The following TENM4 variants were observed in gnomAD, a reference collection of about 807,000 sequenced individuals.
The protein encoded by TENM4 is teneurin transmembrane protein 4.
A neutral mutation model predicts 243.3 loss-of-function variants in TENM4; 82 were observed. The observed-to-expected ratio is 0.34, with a 90% CI of 0.28 to 0.40. The LOEUF (loss-of-function observed/expected upper bound fraction) is 0.40, where lower values mean the gene tolerates loss of function less well. TENM4 is among the 10% of genes least tolerant of loss of function. The probability of loss-of-function intolerance (pLI) is 1.00; values close to 1 mark genes in which losing one functional copy is unlikely to be tolerated. For synonymous variants in TENM4, 1,412 were observed against 1,456.3 expected, an observed-to-expected ratio of 0.97 and a Z score of 0.69; for missense variants, 3,138 against 3,673.3, an observed-to-expected ratio of 0.85 and a Z score of 3.77.
intron 19 of TENM4, among the ~76,000 whole-genome samples, chr11:78,749,727 C>T (rs925234190): frequency 6.6e-6 from 1 of 152,096 alleles, no homozygotes; most frequent in Non-Finnish European, 1.5e-5. Context: ...AAGCTTTGTG[C>T]CTTTCTATAG....
chr11:78,724,041 C>A (rs1468426978), intron 23 of TENM4, among the ~76,000 whole-genome samples: 2 of 150,098 alleles, frequency 1.3e-5, no homozygotes, highest in African/African-American at 4.9e-5. Context: ...CCCTTCCTTT[C>A]TCCTCTCCTC....
intron 1 of TENM4, among the ~76,000 whole-genome samples, chr11:79,321,530 T>A (rs1856888461): frequency 6.6e-6 from 1 of 151,472 alleles, no homozygotes; most frequent in Non-Finnish European, 1.5e-5. Context: ...ACTACCCAAT[T>A]CTTTCTGGGA....
intron 9 of TENM4, among the ~76,000 whole-genome samples, chr11:78,868,154 A>G (rs1279709635): frequency 6.6e-6 from 1 of 152,024 alleles, no homozygotes; most frequent in Non-Finnish European, 1.5e-5. Flanking sequence ...CTGAAACAAT[A>G]TAAATTATAA....
rs1195758943 is a variant in TENM4 at position 79,289,955 on chromosome 11, TTTTC to T, written c.-265+7529_-265+7532del. 6.1e-5 allele frequency among the ~76,000 whole-genome samples: 9 copies of T among 146,526 alleles called. No individual in the cohort carries two copies. The South Asian group carries it at 2.0e-3, about 32-fold the overall frequency. On this transcript the variant is annotated intron_variant, in intron 2 of 33. Coordinates refer to ENST00000278550, the MANE Select transcript of TENM4 (RefSeq NM_001098816.3). Reference sequence around the variant, plus strand: ...GTAAGTTTCTACCTTTTTTCTTTCTTTTTCTTTTTCTTTTTTTTTAAGTAGAGAT... The same window carrying T: ...GTAAGTTTCTACCTTTTTTCTTTCTTTTTTTCTTTTTTTTTAAGTAGAGAT...
In TENM4 at chr11:78,889,987, C is replaced by T. The variant is rs757948808; in HGVS notation, c.882G>A (p.Pro294=). 1.8e-5 allele frequency: 28 copies of T among 1,547,216 alleles called. 1 individual carries two copies. The Middle Eastern group carries it at 6.7e-4, about 37-fold the overall frequency. ...ACCCTGGTGATGTGGTGCAGAAGAG[C>T]GGGGAGGTGCCTCCAGGCTTGAAGA... ...HFLFKPGGTS[P]LFCTTSPGYP... The change falls in exon 9 of 34, where the codon CCG becomes CCA. Residue 294 remains proline (P), a synonymous_variant. Coordinates refer to ENST00000278550, the MANE Select transcript of TENM4 (RefSeq NM_001098816.3).
intron 12 of TENM4, among the ~76,000 whole-genome samples, chr11:78,834,462 C>G (rs993635405): frequency 6.6e-6 from 1 of 152,192 alleles, no homozygotes; most frequent in African/African-American, 2.4e-5. Context: ...CCAAAAAGCT[C>G]TGTGTCAACT....
At position 78,672,104 on chromosome 11, in the gene TENM4, C is replaced by T. The variant is rs189247153; in HGVS notation, c.5722G>A (p.Asp1908Asn). Residue 1908 changes from aspartate (D) to asparagine (N), a missense_variant, in exon 31 of 34, where the codon GAC becomes AAC. Asp to Asn is a conservative substitution (Grantham distance 23). This residue lies in a region of TENM4 where 2,467 missense variants were observed against 3,059.1 expected (regional missense o/e 0.81). Transcript: ENST00000278550. ...RGIMSERMEY[D>N]QAGRITSRIF... ...CTGGATGTGATGCGGCCCGCCTGGT[C>T]GTATTCCATTCTTTCAGACATGATG... The T allele has an allele frequency of 4.6e-5, 74 of 1,614,000 alleles. 1 individual carries two copies. In the African/African-American group the frequency reaches 6.1e-4, roughly 13 times the overall value.
intron 6 of TENM4, among the ~76,000 whole-genome samples, chr11:78,997,056 G>A (rs1343894820): frequency 6.6e-6 from 1 of 152,004 alleles, no homozygotes; most frequent in Non-Finnish European, 1.5e-5. Flanking sequence ...GGCGGGGGTA[G>A]GGTGGGTGTA....
chr11:78,996,911 G>A (rs577408196), intron 6 of TENM4, among the ~76,000 whole-genome samples: 1 of 152,160 alleles, frequency 6.6e-6, no homozygotes, highest in Non-Finnish European at 1.5e-5. Flanking sequence ...TAGTCAGAGA[G>A]AATATTAACA....
chr11:79,371,989 C>T (rs1043301058), intron 1 of TENM4, among the ~76,000 whole-genome samples: 1 of 152,084 alleles, frequency 6.6e-6, no homozygotes, highest in African/African-American at 2.4e-5. Flanking sequence ...CCCAAGGTGT[C>T]AGGGATAGAA....
chr11:79,247,486 G>T (rs953657504), intron 2 of TENM4, among the ~76,000 whole-genome samples: 1 of 151,718 alleles, frequency 6.6e-6, no homozygotes, highest in African/African-American at 2.4e-5. Context: ...ATGACCTGGA[G>T]GCGGGGCCTT....
chr11:78,876,059 T>C (rs905179099), intron 9 of TENM4, among the ~76,000 whole-genome samples: 7 of 152,302 alleles, frequency 4.6e-5, no homozygotes, highest in Admixed American at 1.3e-4. Flanking sequence ...GTTGGAAAAC[T>C]GGATTTCTAG....
chr11:79,286,841 G>T (rs1308704065), intron 2 of TENM4, among the ~76,000 whole-genome samples: 1 of 152,128 alleles, frequency 6.6e-6, no homozygotes, highest in Non-Finnish European at 1.5e-5. Context: ...GGAAATAGAT[G>T]AATTAAGATT....
At chr11:79,400,099 C>CA (rs1288184782) in intron 1 of TENM4, among the ~76,000 whole-genome samples, 1 of 140,588 alleles carries the variant, frequency 7.1e-6, no homozygotes, top group East Asian at 2.2e-4. Flanking sequence ...TAAACACACA[C>CA]CACACACACA....
At chr11:79,029,550 T>C (rs1202808638) in intron 6 of TENM4, among the ~76,000 whole-genome samples, 1 of 152,198 alleles carries the variant, frequency 6.6e-6, no homozygotes, top group African/African-American at 2.4e-5. Context: ...TATTTCATCT[T>C]AGAAGCTTGG....
At chr11:79,225,949 C>T (rs530211748) in intron 2 of TENM4, among the ~76,000 whole-genome samples, 4 of 152,110 alleles carry the variant, frequency 2.6e-5, no homozygotes, top group East Asian at 1.9e-4. Context: ...TGGACTAGAC[C>T]GGTAGCTGAT....
chr11:79,033,167 A>T (rs534834811), intron 6 of TENM4, among the ~76,000 whole-genome samples: 82 of 152,108 alleles, frequency 5.4e-4, no homozygotes, highest in African/African-American at 1.9e-3. Flanking sequence ...TATGTAATGA[A>T]TTTGTTTATT....
chr11:78,720,318 A>T (rs1292315655), intron 25 of TENM4, 52 bp downstream of exon 25: 4 of 1,600,986 alleles, frequency 2.5e-6, no homozygotes, highest in Non-Finnish European at 3.4e-6. Flanking sequence ...CTTACCATAC[A>T]GCATGCAACA....
At chr11:79,219,854 C>T (rs1297464811) in intron 2 of TENM4, among the ~76,000 whole-genome samples, 3 of 152,190 alleles carry the variant, frequency 2.0e-5, no homozygotes, top group East Asian at 3.8e-4. Context: ...TGTTGGATTT[C>T]CCCCAAACTG....
Sources: allele counts gnomAD v4.1 joint callset (sites outside exome capture counted in the v4.1 genomes callset), GRCh38; gene constraint gnomAD v4.1.1; regional missense constraint gnomAD v4.1.1; transcripts MANE v1.5; gene names NCBI Gene and HGNC (gene_info 2026-07-23, HGNC 2026-07-21).